Variants in DSCAM observed in about 807,000 individuals in gnomAD.
DSCAM encodes the protein cell adhesion molecule DSCAM.
In DSCAM, 47 loss-of-function variants were observed where a neutral mutation model predicts 217.7. The ratio of observed to expected loss-of-function variants is 0.22; its 90% confidence interval spans 0.17 to 0.28. The LOEUF (loss-of-function observed/expected upper bound fraction) is 0.28. DSCAM is among the 10% of genes least tolerant of loss of function. The pLI, the probability that DSCAM is intolerant of heterozygous loss-of-function variation, is 1.00. For missense variants in DSCAM, 2,080 were observed against 2,618.3 expected, an observed-to-expected ratio of 0.79 and a Z score of 4.49; for synonymous variants, 1,056 against 1,015.3, an observed-to-expected ratio of 1.04 and a Z score of -0.76.
chr21:40,204,016 A>C (rs574845314), intron 11 of DSCAM, among the ~76,000 whole-genome samples: 1 of 152,356 alleles, frequency 6.6e-6, no homozygotes, highest in South Asian at 2.1e-4. Context: ...CATATCACGT[A>C]GAATATTAAC....
intron 27 of DSCAM, among the ~76,000 whole-genome samples, chr21:40,068,484 G>C (rs79644990): frequency 0.033 from 5,008 of 152,064 alleles, 163 homozygotes; most frequent in East Asian, 0.14. Context: ...AAGGCTGAAG[G>C]GTAGTGAATA....
intron 3 of DSCAM, among the ~76,000 whole-genome samples, chr21:40,671,046 G>C (rs1601837516): frequency 6.6e-6 from 1 of 152,152 alleles, no homozygotes; most frequent in African/African-American, 2.4e-5. Flanking sequence ...ATACTACTTT[G>C]CCATATGAAA....
chr21:40,402,301 C>G (rs944570168), intron 3 of DSCAM, among the ~76,000 whole-genome samples: 1 of 138,114 alleles, frequency 7.2e-6, no homozygotes. Context: ...AGTCTCCTGA[C>G]CTCGTGATCT....
chr21:40,642,209 T>G (rs13051422), intron 3 of DSCAM, among the ~76,000 whole-genome samples: 1 of 151,838 alleles, frequency 6.6e-6, no homozygotes, highest in Admixed American at 6.6e-5. Context: ...AACACAGAGA[T>G]GAAGACTTCA....
At chr21:40,079,000 G>A (rs747961608) in intron 25 of DSCAM, 23 bp from the exon 26 acceptor site, 2 of 1,609,160 alleles carry the variant, frequency 1.2e-6, no homozygotes, top group Non-Finnish European at 8.5e-7. Context: ...GCACATGGAG[G>A]TCAGCTCACA....
chr21:40,205,179 T>C (rs920064307), intron 11 of DSCAM, among the ~76,000 whole-genome samples: 5 of 152,182 alleles, frequency 3.3e-5, no homozygotes, highest in South Asian at 4.1e-4. Flanking sequence ...CAGACACTAA[T>C]TGAGGTATTG....
At chr21:40,467,161 T>C (rs1304234588) in intron 3 of DSCAM, among the ~76,000 whole-genome samples, 2 of 152,242 alleles carry the variant, frequency 1.3e-5, no homozygotes, top group East Asian at 1.9e-4. Context: ...AGTGGACTTA[T>C]AGAAACAACA....
At chr21:40,436,007 G>T (rs1402282824) in intron 3 of DSCAM, among the ~76,000 whole-genome samples, 1 of 152,162 alleles carries the variant, frequency 6.6e-6, no homozygotes, top group Non-Finnish European at 1.5e-5. Context: ...CTTGTTAGAT[G>T]ATTTTGCCCA....
chr21:40,643,761 C>T (rs1324247450), intron 3 of DSCAM, among the ~76,000 whole-genome samples: 1 of 152,174 alleles, frequency 6.6e-6, no homozygotes, highest in Non-Finnish European at 1.5e-5. Flanking sequence ...ACAGAGATAC[C>T]AGGGATGTGT....
chr21:40,674,607 GTATTTT>G, intron 3 of DSCAM, among the ~76,000 whole-genome samples: 1 of 146,046 alleles, frequency 6.8e-6, no homozygotes, highest in South Asian at 2.2e-4. Flanking sequence ...ATCATTAAAG[GTATTTT>G]CTTTTTCTTT....
chr21:40,093,697 G>A lies in DSCAM; in HGVS notation c.3850+24C>T, dbSNP rs746810562. ...AAACAGTCAAGTTACAACAGGAAAT[G>A]AGGTCCTTATAGCCACTGCCTACCT... On this transcript the variant is annotated intron_variant, in intron 21 of 32. Coordinates refer to ENST00000400454, the MANE Select transcript of DSCAM (RefSeq NM_001389.5). 9 of 1,613,202 alleles carry A rather than the reference G, an allele frequency of 5.6e-6. No homozygotes were observed. In the East Asian group the frequency reaches 1.8e-4, roughly 32 times the overall value.
chr21:40,514,748 A>G (rs2076286866), intron 3 of DSCAM, among the ~76,000 whole-genome samples: 1 of 152,206 alleles, frequency 6.6e-6, no homozygotes, highest in Non-Finnish European at 1.5e-5. Flanking sequence ...TAAATGTGGG[A>G]TAAATGTATA....
At chr21:40,134,250 G>C (rs1158672531) in intron 18 of DSCAM, among the ~76,000 whole-genome samples, 1 of 152,034 alleles carries the variant, frequency 6.6e-6, no homozygotes, top group Non-Finnish European at 1.5e-5. Context: ...CGTTGGTCTG[G>C]AAAACGAAGT....
intron 10 of DSCAM, among the ~76,000 whole-genome samples, chr21:40,286,584 A>T (rs1000195041): frequency 4.6e-5 from 7 of 152,186 alleles, no homozygotes; most frequent in Non-Finnish European, 1.0e-4. Flanking sequence ...AACAAAAGAG[A>T]ATTTTATTTA....
intron 11 of DSCAM, among the ~76,000 whole-genome samples, chr21:40,208,623 C>G (rs1278677034): frequency 6.6e-6 from 1 of 152,190 alleles, no homozygotes; most frequent in Non-Finnish European, 1.5e-5. Flanking sequence ...CACCAGGAAA[C>G]AGCTGGGGAA....
intron 1 of DSCAM, among the ~76,000 whole-genome samples, chr21:40,818,213 C>T (rs544645928): frequency 6.6e-6 from 1 of 151,284 alleles, no homozygotes; most frequent in East Asian, 2.0e-4. Flanking sequence ...TGGATGGAGG[C>T]ACCCCGCCCC....
At chr21:40,062,790 A>C in intron 28 of DSCAM, 79 bp downstream of exon 28, 1 of 1,365,346 alleles carries the variant, frequency 7.3e-7, no homozygotes, top group Non-Finnish European at 1.0e-6. Context: ...TGCCATTATT[A>C]AAAAAATAGA....
At chr21:40,778,562 G>C (rs1003454899) in intron 1 of DSCAM, among the ~76,000 whole-genome samples, 3 of 151,858 alleles carry the variant, frequency 2.0e-5, no homozygotes, top group Admixed American at 6.6e-5. Context: ...AAATTTCCAA[G>C]GTAACATCTA....
chr21:40,575,210 A>AC (rs143063303), intron 3 of DSCAM, among the ~76,000 whole-genome samples: 63,557 of 146,810 alleles, frequency 0.43, 14,720 homozygotes, highest in Admixed American at 0.52. Context: ...GCACCCTGTG[A>AC]CCCCCACTCC....
Sources: allele counts gnomAD v4.1 joint callset (sites outside exome capture counted in the v4.1 genomes callset), GRCh38; gene constraint gnomAD v4.1.1; transcripts MANE v1.5; gene names NCBI Gene and HGNC (gene_info 2026-07-23, HGNC 2026-07-21).